The following USP34 variants were observed in gnomAD, a reference collection of about 807,000 sequenced individuals.
The protein encoded by USP34 is ubiquitin carboxyl-terminal hydrolase 34.
In USP34, 70 loss-of-function variants were observed where a neutral mutation model predicts 460.3. The ratio of observed to expected loss-of-function variants is 0.15; its 90% CI spans 0.13 to 0.19. USP34 has a LOEUF of 0.19. Among genes scored for constraint, USP34 ranks in the 10% least tolerant of loss-of-function variants. USP34 has a pLI of 1.00. For missense variants in USP34, 3,985 were observed against 4,236.2 expected, an observed-to-expected ratio of 0.94 and a Z score of 1.65; for synonymous variants, 1,647 against 1,405.3, an observed-to-expected ratio of 1.17 and a Z score of -3.85.
intron 1 of USP34, among the ~76,000 whole-genome samples, chr2:61,464,935 G>A (rs964945196): frequency 2.6e-5 from 4 of 151,940 alleles, no homozygotes; most frequent in African/African-American, 9.7e-5. Flanking sequence ...GCAGTTATCA[G>A]ACAAACTCAA....
intron 21 of USP34, among the ~76,000 whole-genome samples, chr2:61,319,828 C>T (rs147153379): frequency 2.0e-5 from 3 of 152,076 alleles, no homozygotes; most frequent in East Asian, 3.9e-4. Flanking sequence ...AGGGCAACAG[C>T]GCGAGATTCC....
At chr2:61,342,651 C>G (rs1691642223) in intron 16 of USP34, among the ~76,000 whole-genome samples, 1 of 151,894 alleles carries the variant, frequency 6.6e-6, no homozygotes, top group African/African-American at 2.4e-5. Context: ...TATGTAGTAT[C>G]TGATCAACAC....
intron 41 of USP34, among the ~76,000 whole-genome samples, chr2:61,272,011 A>G (rs1689229729): frequency 6.6e-6 from 1 of 152,238 alleles, no homozygotes; most frequent in South Asian, 2.1e-4. Flanking sequence ...AACATTTCCA[A>G]AACAGAACTC....
chr2:61,240,378 A>G (rs1328469531), intron 53 of USP34, among the ~76,000 whole-genome samples: 1 of 151,846 alleles, frequency 6.6e-6, no homozygotes, highest in Non-Finnish European at 1.5e-5. Flanking sequence ...TCCCAGGTTC[A>G]CGCCATTCTC....
chr2:61,348,082 C>T lies in USP34; in HGVS notation c.2073G>A (p.Met691Ile), dbSNP rs1046683925. 3.1e-6 allele frequency: 5 copies of T among 1,614,204 alleles called. No individual in the cohort carries two copies. In the South Asian group the frequency reaches 4.4e-5, roughly 14 times the overall value. The change falls in exon 15 of 80, where the codon ATG becomes ATA. Residue 691 changes from methionine (M) to isoleucine (I), a missense_variant. Physicochemically the swap from Met to Ile is conservative, Grantham distance 10 (BLOSUM62 1). This residue lies in a region of USP34 where 716 missense variants were observed against 626.2 expected (regional missense o/e 1.14). Coordinates refer to ENST00000398571, the MANE Select transcript of USP34 (RefSeq NM_014709.4). ...CTTCAGAGTGTGAACAAGCATCCAG[C>T]ATTCGCATTCGATTATCTACTGATG... ...SLPSVDNRMR[M>I]LDACSHSEDP...
chr2:61,399,624 G>C (rs1693649271), intron 3 of USP34, among the ~76,000 whole-genome samples: 1 of 151,944 alleles, frequency 6.6e-6, no homozygotes, highest in African/African-American at 2.4e-5. Flanking sequence ...GTAATTCCCA[G>C]CACTTTGGGA....
intron 34 of USP34, among the ~76,000 whole-genome samples, chr2:61,286,680 T>A (rs1427811259): frequency 6.6e-6 from 1 of 152,004 alleles, no homozygotes; most frequent in African/African-American, 2.4e-5. Context: ...ACCACTGGCA[T>A]GTGCATAGAA....
In USP34 at chr2:61,333,935, T is replaced by C. The variant is rs1024740468; in HGVS notation, c.2781A>G (p.Leu927=). ...TCCCAAACTGCTGAAAAGTACCAAA[T>C]AGTTTTGGAAGAAGACGAAGTGAAA... ...VVISLRLLPK[L]FGTFQQFGSS... The change falls in exon 19 of 80, where the codon CTA becomes CTG. Residue 927 remains leucine, a synonymous_variant. Transcript: ENST00000398571. The C allele has an allele frequency of 1.3e-6, 2 of 1,598,508 alleles. No individual in the cohort carries two copies. The highest frequency in any genetic ancestry group is 1.7e-5 in the Admixed American group (1 of 58,548).
intron 33 of USP34, among the ~76,000 whole-genome samples, 167 bp from the exon 34 acceptor site, chr2:61,289,044 C>T (rs987887874): frequency 1.3e-5 from 2 of 151,972 alleles, no homozygotes; most frequent in African/African-American, 2.4e-5. Context: ...CCAATTCAAT[C>T]TTATAAAAAT....
At chr2:61,306,501 C>G (rs1194953992) in intron 27 of USP34, among the ~76,000 whole-genome samples, 2 of 152,160 alleles carry the variant, frequency 1.3e-5, no homozygotes, top group African/African-American at 4.8e-5. Flanking sequence ...AGTCAGGTAG[C>G]ATGATGCCTC....
At chr2:61,306,919 G>C (rs1690426182) in intron 27 of USP34, among the ~76,000 whole-genome samples, 1 of 152,086 alleles carries the variant, frequency 6.6e-6, no homozygotes, top group Non-Finnish European at 1.5e-5. Context: ...ATTCCTCAGG[G>C]ATCTAGAACT....
At chr2:61,393,137 A>AATT (rs1693405346) in intron 5 of USP34, among the ~76,000 whole-genome samples, 2 of 152,178 alleles carry the variant, frequency 1.3e-5, no homozygotes. Flanking sequence ...AAATTAAAAA[A>AATT]ATTAAGGCTC....
intron 43 of USP34, among the ~76,000 whole-genome samples, chr2:61,264,346 A>G (rs1032897959): frequency 6.6e-6 from 1 of 152,230 alleles, no homozygotes; most frequent in Non-Finnish European, 1.5e-5. Flanking sequence ...AAAAGATAAC[A>G]TGATGAGGCC....
At chr2:61,464,545 T>C (rs1185919114) in intron 1 of USP34, among the ~76,000 whole-genome samples, 1 of 151,908 alleles carries the variant, frequency 6.6e-6, no homozygotes, top group Non-Finnish European at 1.5e-5. Context: ...TGGTAAACTA[T>C]AACCCACCAA....
intron 5 of USP34, among the ~76,000 whole-genome samples, chr2:61,388,958 A>G (rs1176473615): frequency 6.6e-6 from 1 of 152,178 alleles, no homozygotes; most frequent in Non-Finnish European, 1.5e-5. Flanking sequence ...ATTTTAAAAG[A>G]TAATTCAACA....
chr2:61,368,795 T>C (rs1692518266), intron 10 of USP34, among the ~76,000 whole-genome samples: 1 of 152,126 alleles, frequency 6.6e-6, no homozygotes, highest in South Asian at 2.1e-4. Context: ...ATGTTGTGAA[T>C]GGAGAAGGCA....
chr2:61,436,272 G>T (rs1694809703), intron 1 of USP34, among the ~76,000 whole-genome samples: 1 of 152,154 alleles, frequency 6.6e-6, no homozygotes, highest in Non-Finnish European at 1.5e-5. Flanking sequence ...AGAGGTTGCA[G>T]TGAGTCAAGA....
chr2:61,395,075 A>G lies in USP34; in HGVS notation c.604-73T>C, dbSNP rs1693475013. Reference sequence around the variant, plus strand: ...TTTTTATCTTAGCAATACTGGAAAGATACTGATGAGAAACTCAAAAGACAT... The same window carrying G: ...TTTTTATCTTAGCAATACTGGAAAGGTACTGATGAGAAACTCAAAAGACAT... On this transcript the variant is annotated intron_variant, in intron 4 of 79. Coordinates refer to ENST00000398571, the MANE Select transcript of USP34 (RefSeq NM_014709.4). 3 of 1,488,102 alleles carry G rather than the reference A, an allele frequency of 2.0e-6. No homozygotes were observed. In the East Asian group the frequency reaches 7.0e-5, roughly 35 times the overall value. 92.2% of individuals were successfully genotyped at this position (1,488,102 alleles called of 1,614,324 possible).
intron 42 of USP34, 85 bp from the exon 43 acceptor site, chr2:61,265,642 T>C: frequency 7.6e-7 from 1 of 1,312,844 alleles, no homozygotes; most frequent in South Asian, 1.8e-5. Context: ...AGCCTCTACC[T>C]CCATTAGTTA....
Sources: allele counts gnomAD v4.1 joint callset (sites outside exome capture counted in the v4.1 genomes callset), GRCh38; gene constraint gnomAD v4.1.1; regional missense constraint gnomAD v4.1.1; transcripts MANE v1.5; gene names NCBI Gene and HGNC (gene_info 2026-07-23, HGNC 2026-07-21).